Variants in DPF3 observed in about 807,000 individuals in gnomAD.
DPF3 encodes double PHD fingers 3, also known as zinc finger protein DPF3.
In DPF3, 18 loss-of-function variants were observed where a neutral mutation model predicts 56.8. The ratio of observed to expected loss-of-function variants is 0.32; its 90% CI spans 0.22 to 0.47. DPF3 has a LOEUF of 0.47. DPF3 is among the 20% of genes least tolerant of loss of function. DPF3 has a pLI of 1.00. For synonymous variants in DPF3, 188 were observed against 180.2 expected, an observed-to-expected ratio of 1.04 and a Z score of -0.35; for missense variants, 403 against 488.8, an observed-to-expected ratio of 0.82 and a Z score of 1.65.
At chr14:72,639,919 A>G (rs894804800) in intron 8 of DPF3, among the ~76,000 whole-genome samples, 1 of 152,006 alleles carries the variant, frequency 6.6e-6, no homozygotes, top group Non-Finnish European at 1.5e-5. Context: ...AAGTGCCATA[A>G]TAGGAGAATG....
chr14:72,885,026 G>GGGGAATGGGGAATGGCGTGAACCC (rs1886484980), intron 1 of DPF3, among the ~76,000 whole-genome samples: 1 of 136,870 alleles, frequency 7.3e-6, no homozygotes, highest in Admixed American at 7.6e-5. Flanking sequence ...GGCTGAGCCC[G>GGGGAATGGGGAATGGCGTGAACCC]GGGAATGGGG....
chr14:72,703,948 T>C (rs781244146), intron 6 of DPF3, among the ~76,000 whole-genome samples: 2 of 152,216 alleles, frequency 1.3e-5, no homozygotes, highest in Non-Finnish European at 2.9e-5. Flanking sequence ...AAATAAACAT[T>C]TATTGAAAAT....
chr14:72,801,084 G>C (rs888807049), intron 1 of DPF3, among the ~76,000 whole-genome samples: 5 of 152,200 alleles, frequency 3.3e-5, no homozygotes, highest in African/African-American at 1.2e-4. Flanking sequence ...GCAGTACAAA[G>C]AGAAGCCAGT....
At chr14:72,651,778 A>C (rs889749702) in intron 8 of DPF3, among the ~76,000 whole-genome samples, 1 of 152,136 alleles carries the variant, frequency 6.6e-6, no homozygotes, top group Non-Finnish European at 1.5e-5. Flanking sequence ...TCTCCTCCTG[A>C]CAGTCTCACA....
At chr14:72,721,634 C>T (rs1026911091) in intron 5 of DPF3, among the ~76,000 whole-genome samples, 8 of 152,160 alleles carry the variant, frequency 5.3e-5, no homozygotes, top group Admixed American at 4.6e-4. Context: ...ATTAAAACAC[C>T]ACCCAAAGCA....
intron 8 of DPF3, chr14:72,662,055 T>C: frequency 1.0e-6 from 1 of 984,656 alleles, no homozygotes; most frequent in South Asian, 4.7e-5. Context: ...GCAATGAGGG[T>C]GGGGGAAACT....
intron 1 of DPF3, among the ~76,000 whole-genome samples, chr14:72,877,116 G>A (rs1431064535): frequency 6.6e-6 from 1 of 152,240 alleles, no homozygotes; most frequent in Non-Finnish European, 1.5e-5. Flanking sequence ...AACCTAGGCT[G>A]GAGGTGCAAA....
At chr14:72,688,890 T>A (rs1164844519) in intron 7 of DPF3, among the ~76,000 whole-genome samples, 1 of 152,006 alleles carries the variant, frequency 6.6e-6, no homozygotes, top group Admixed American at 6.5e-5. Context: ...GAGGGGAGTG[T>A]TTGAGCTCCA....
chr14:72,686,749 A>C (rs751845420), intron 7 of DPF3, among the ~76,000 whole-genome samples: 1 of 152,270 alleles, frequency 6.6e-6, no homozygotes, highest in Non-Finnish European at 1.5e-5. Context: ...TTTCCCAGAA[A>C]GAGCTCTGTA....
chr14:72,778,035 T>C (rs1891818891), intron 1 of DPF3, among the ~76,000 whole-genome samples: 2 of 152,196 alleles, frequency 1.3e-5, no homozygotes, highest in African/African-American at 4.8e-5. Flanking sequence ...GCAAGCTCTC[T>C]CACTCTCTCA....
intron 8 of DPF3, among the ~76,000 whole-genome samples, chr14:72,632,971 G>C (rs371421206): frequency 6.6e-6 from 1 of 152,162 alleles, no homozygotes; most frequent in African/African-American, 2.4e-5. Context: ...CAGGAAGCTA[G>C]TTAGGAGGCT....
chr14:72,760,729 G>A (rs1891036671), intron 2 of DPF3, among the ~76,000 whole-genome samples: 1 of 151,926 alleles, frequency 6.6e-6, no homozygotes, highest in Non-Finnish European at 1.5e-5. Context: ...AAAAAAGAGA[G>A]AAAACATAAT....
chr14:72,658,302 A>T lies in DPF3; in HGVS notation c.871+15938T>A, dbSNP rs987248258. On this transcript the variant is annotated intron_variant, in intron 8 of 10. Transcript: ENST00000556509. Reference sequence around the variant, plus strand: ...TCTACTATGTATCCACAAAAAATTTAAAAAATTTGTAAAAGTCTATATATA... The same window carrying T: ...TCTACTATGTATCCACAAAAAATTTTAAAAATTTGTAAAAGTCTATATATA... Among the ~76,000 whole-genome samples the T allele has an allele frequency of 1.2e-4, 19 of 152,300 alleles. No individual in the cohort carries two copies. In the East Asian group the frequency reaches 2.3e-3, roughly 19 times the overall value.
Position 72,693,237 on chromosome 14 carries a change from G to C in DPF3, c.605-24C>G, listed in dbSNP as rs1375687058. ...GACTAGAGAGGAAAAGAGGAAAAAA[G>C]GGAGAGATACAAATATTAGCAACCT... On this transcript the variant is annotated intron_variant, in intron 6 of 10. Coordinates refer to ENST00000556509, the MANE Select transcript of DPF3 (RefSeq NM_001280542.3). 1.9e-6 allele frequency: 3 copies of C among 1,612,718 alleles called. No individual in the cohort carries two copies. In the Admixed American group the frequency reaches 5.0e-5, roughly 27 times the overall value.
chr14:72,813,554 C>CG (rs929104940), intron 1 of DPF3, among the ~76,000 whole-genome samples: 2 of 152,140 alleles, frequency 1.3e-5, no homozygotes, highest in African/African-American at 4.8e-5. Context: ...TGGCCTCCCC[C>CG]CCGGCACCCA....
At chr14:72,823,254 A>G (rs1321369003) in intron 1 of DPF3, among the ~76,000 whole-genome samples, 1 of 152,202 alleles carries the variant, frequency 6.6e-6, no homozygotes, top group Non-Finnish European at 1.5e-5. Flanking sequence ...CCTAATTACT[A>G]GCACAGCCAG....
intron 6 of DPF3, among the ~76,000 whole-genome samples, chr14:72,712,247 A>AC (rs1239056120): frequency 6.6e-6 from 1 of 152,214 alleles, no homozygotes. Flanking sequence ...AGCAAACGTC[A>AC]CTGAGAGTCC....
At chr14:72,689,549 C>A (rs1887583416) in intron 7 of DPF3, among the ~76,000 whole-genome samples, 1 of 152,208 alleles carries the variant, frequency 6.6e-6, no homozygotes, top group African/African-American at 2.4e-5. Context: ...ACTTCCAATT[C>A]AGCACACAGC....
intron 3 of DPF3, among the ~76,000 whole-genome samples, chr14:72,741,206 G>A (rs73302111): frequency 0.046 from 6,952 of 152,254 alleles, 493 homozygotes; most frequent in African/African-American, 0.16. Context: ...ACCCAGCAGT[G>A]CAGTGTGGAG....
Sources: allele counts gnomAD v4.1 joint callset (sites outside exome capture counted in the v4.1 genomes callset), GRCh38; gene constraint gnomAD v4.1.1; transcripts MANE v1.5; gene names NCBI Gene and HGNC (gene_info 2026-07-23, HGNC 2026-07-21).